CWH43: variants seen among roughly 807,000 people sequenced by gnomAD.
CWH43 encodes the protein PGAP2-interacting protein.
In CWH43, 91 loss-of-function variants were observed where a neutral mutation model predicts 85.7. That is an observed-to-expected ratio of 1.06 (90% CI 0.90 to 1.26). The LOEUF (loss-of-function observed/expected upper bound fraction) is 1.26. Among genes scored for constraint, CWH43 ranks in the 50% most tolerant of loss-of-function variants. The pLI is 0.00. For missense variants in CWH43, 869 were observed against 839.2 expected (o/e 1.04, Z -0.44); for synonymous variants, 323 against 293.6 (o/e 1.10, Z -1.02).
chr4:49,045,625 G>T (rs1421125597), intron 14 of CWH43, among the ~76,000 whole-genome samples: 1 of 152,126 alleles, frequency 6.6e-6, no homozygotes, highest in Non-Finnish European at 1.5e-5. Flanking sequence ...TATAGCTTAG[G>T]TGTGTAGTAG....
At chr4:48,998,292 T>C (rs1782878508) in intron 5 of CWH43, among the ~76,000 whole-genome samples, 168 bp from the exon 6 acceptor site, 1 of 152,226 alleles carries the variant, frequency 6.6e-6, no homozygotes, top group African/African-American at 2.4e-5. Flanking sequence ...TTCTCTGTTC[T>C]GAATGTGTAT....
intron 5 of CWH43, among the ~76,000 whole-genome samples, chr4:48,997,750 T>C (rs1284696513): frequency 6.6e-6 from 1 of 152,198 alleles, no homozygotes; most frequent in Non-Finnish European, 1.5e-5. Context: ...ATGGGGATAA[T>C]ATTAGCATTT....
At chr4:49,039,378 TACTGATATATATATACAC>T (rs1308245490) in intron 13 of CWH43, among the ~76,000 whole-genome samples, 1 of 76,772 alleles carries the variant, frequency 1.3e-5, no homozygotes, top group Non-Finnish European at 3.3e-5. Context: ...TGTATATATA[TACTGATATATATATACAC>T]ACTGATATAT....
chr4:49,009,008 G>T (rs1193301120), intron 8 of CWH43, among the ~76,000 whole-genome samples: 3 of 152,136 alleles, frequency 2.0e-5, no homozygotes, highest in African/African-American at 7.2e-5. Flanking sequence ...CCAATTCTGT[G>T]AAGAAAGTCA....
chr4:49,005,715 G>T (rs1783135556), intron 7 of CWH43, among the ~76,000 whole-genome samples: 1 of 151,782 alleles, frequency 6.6e-6, no homozygotes, highest in Admixed American at 6.6e-5. Context: ...TGATTATGTT[G>T]TTTTTTGTAG....
intron 11 of CWH43, 25 bp downstream of exon 11, chr4:49,030,985 C>A: frequency 6.5e-7 from 1 of 1,546,134 alleles, no homozygotes; most frequent in African/African-American, 1.4e-5. Context: ...GGAGTTAATC[C>A]CGAAGATAGT....
rs1419816979 is a variant in CWH43, at chr4:49,055,735, G to A, written c.2021+4886G>A. ...CTCCTGAGTAGCTGCGATTATAGGC[G>A]CCTACCACCACACCCAGCTAATTTT... On this transcript the variant is annotated intron_variant, in intron 15 of 15. Coordinates refer to ENST00000226432, the MANE Select transcript of CWH43 (RefSeq NM_025087.3). Among the ~76,000 whole-genome samples the A allele has an allele frequency of 4.0e-5, 6 of 151,622 alleles. No individual in the cohort carries two copies. In the South Asian group the frequency reaches 6.3e-4, roughly 16 times the overall value.
intron 4 of CWH43, among the ~76,000 whole-genome samples, chr4:48,993,529 G>A (rs1442372099): frequency 6.6e-6 from 1 of 152,140 alleles, no homozygotes; most frequent in African/African-American, 2.4e-5. Context: ...GCTGGATGGG[G>A]TCACAAAGCA....
intron 14 of CWH43, among the ~76,000 whole-genome samples, chr4:49,045,194 G>A (rs1402896595): frequency 6.6e-6 from 1 of 152,148 alleles, no homozygotes; most frequent in African/African-American, 2.4e-5. Context: ...CATTGGATGA[G>A]AAAGTCCTGG....
chr4:49,037,356 G>A (rs1332708409), intron 12 of CWH43, among the ~76,000 whole-genome samples: 1 of 152,196 alleles, frequency 6.6e-6, no homozygotes, highest in Non-Finnish European at 1.5e-5. Context: ...GATTGCTTGA[G>A]GCCAGGAATT....
At chr4:49,029,975 C>G (rs1232982987) in intron 10 of CWH43, among the ~76,000 whole-genome samples, 1 of 152,166 alleles carries the variant, frequency 6.6e-6, no homozygotes, top group African/African-American at 2.4e-5. Flanking sequence ...GTATGCTGAG[C>G]ACCGGTCCCC....
chr4:48,991,695 C>CA (rs1419765557), intron 3 of CWH43, 121 bp downstream of exon 3: 2 of 1,167,536 alleles, frequency 1.7e-6, no homozygotes, highest in African/African-American at 1.6e-5. Context: ...TCAAAGTCTC[C>CA]TTTTTTTTCC....
intron 10 of CWH43, 26 bp downstream of exon 10, chr4:49,028,760 GGTTTTGA>G: frequency 1.4e-6 from 2 of 1,432,820 alleles, no homozygotes; most frequent in Non-Finnish European, 2.0e-6. Flanking sequence ...ATTAGTTCCA[GGTTTTGA>G]GAAACTATTA....
chr4:49,040,512 C>T (rs1403610049), intron 13 of CWH43, among the ~76,000 whole-genome samples: 1 of 152,122 alleles, frequency 6.6e-6, no homozygotes, highest in African/African-American at 2.4e-5. Context: ...AGCATTTTTT[C>T]ATGTGTCTTT....
chr4:49,029,821 C>G (rs756304658), intron 10 of CWH43, among the ~76,000 whole-genome samples: 1 of 152,342 alleles, frequency 6.6e-6, no homozygotes, highest in South Asian at 2.1e-4. Context: ...ATTTGTAACA[C>G]AGATTCCTTT....
intron 15 of CWH43, among the ~76,000 whole-genome samples, chr4:49,055,822 C>G (rs551986155): frequency 1.1e-4 from 17 of 152,092 alleles, no homozygotes; most frequent in Non-Finnish European, 2.2e-4. Context: ...GTCTTGAACT[C>G]CTGACCTCAG....
At chr4:49,039,385 A>G (rs1361906058) in intron 13 of CWH43, among the ~76,000 whole-genome samples, 1 of 121,734 alleles carries the variant, frequency 8.2e-6, no homozygotes, top group African/African-American at 2.9e-5. Context: ...ATATACTGAT[A>G]TATATATACA....
At chr4:49,051,862 C>G (rs951872528) in intron 15 of CWH43, among the ~76,000 whole-genome samples, 5 of 152,202 alleles carry the variant, frequency 3.3e-5, no homozygotes, top group African/African-American at 7.2e-5. Flanking sequence ...CAGGTGTGAG[C>G]CACCGTGCCC....
At chr4:49,031,045 T>C (rs1468093884) in intron 11 of CWH43, 85 bp downstream of exon 11, 2 of 1,305,156 alleles carry the variant, frequency 1.5e-6, no homozygotes, top group Non-Finnish European at 2.1e-6. Context: ...GATATTGTAA[T>C]ATCTTTGGTG....
Sources: gnomAD v4.1 joint callset for allele counts (sites outside exome capture counted in the v4.1 genomes callset) on GRCh38, gnomAD v4.1.1 for gene constraint, MANE v1.5 for transcripts, NCBI Gene and HGNC (gene_info 2026-07-23, HGNC 2026-07-21) for gene names.